Variants in ANO4 observed in about 807,000 individuals in gnomAD.
ANO4 encodes the protein anoctamin-4.
Under a neutral mutation model 141.9 loss-of-function variants are expected in ANO4, and 69 were observed. The observed-to-expected ratio is 0.49, with a 90% CI of 0.40 to 0.59. The LOEUF is 0.59. ANO4 is among the 20% of genes least tolerant of loss of function. The probability of loss-of-function intolerance (pLI) is 0.00; values close to 1 mark genes in which losing one functional copy is unlikely to be tolerated. For missense variants in ANO4, 894 were observed against 1,162.2 expected, an observed-to-expected ratio of 0.77 and a Z score of 3.36; for synonymous variants, 350 against 394.3, an observed-to-expected ratio of 0.89 and a Z score of 1.33.
intron 4 of ANO4, among the ~76,000 whole-genome samples, chr12:100,942,042 G>A (rs545037245): frequency 1.7e-4 from 26 of 150,976 alleles, no homozygotes; most frequent in East Asian, 1.2e-3. Flanking sequence ...GTGCAGTGGC[G>A]CGATCTGGGC....
intron 26 of ANO4, among the ~76,000 whole-genome samples, chr12:101,125,859 T>TGTC (rs2051293520): frequency 1.3e-5 from 2 of 152,312 alleles, no homozygotes; most frequent in South Asian, 2.1e-4. Context: ...GTTTTTTTGT[T>TGTC]GTCTCTCTGC....
intron 7 of ANO4, 24 bp downstream of exon 7, chr12:100,974,913 C>T: frequency 6.2e-7 from 1 of 1,613,262 alleles, no homozygotes; most frequent in Non-Finnish European, 8.5e-7. Flanking sequence ...TCTGTCCTGA[C>T]AGTGTTTGTC....
intron 5 of ANO4, among the ~76,000 whole-genome samples, chr12:100,963,143 G>A (rs768153415): frequency 2.6e-5 from 4 of 152,152 alleles, no homozygotes; most frequent in Non-Finnish European, 5.9e-5. Context: ...TGAGACACCA[G>A]GTACCAGGTG....
At chr12:100,757,520 G>T (rs2032664770) in intron 3 of ANO4, among the ~76,000 whole-genome samples, 1 of 152,210 alleles carries the variant, frequency 6.6e-6, no homozygotes, top group Non-Finnish European at 1.5e-5. Flanking sequence ...AGGTGGGCCT[G>T]ATTGTGAAGG....
rs373107287 is a variant in ANO4 at position 100,733,465 on chromosome 12, CCTGT to C, written c.23-306_23-303del. On this transcript the variant is annotated intron_variant, in intron 1 of 29. Coordinates refer to the ANO4 transcript ENST00000644049. ...ATAGTCTGGGTCAGGCACCCTCTCT[CCTGT>C]CTAACTCCCTGCCCCCAACTGCCCA... Among the ~76,000 whole-genome samples, 1,079 of 152,308 alleles carry C rather than the reference CCTGT, an allele frequency of 7.1e-3. 18 individuals carry two copies. The highest frequency in any genetic ancestry group is 0.025 in the African/African-American group (1,034 of 41,560).
chr12:100,903,942 T>A (rs2040718658), intron 2 of ANO4, among the ~76,000 whole-genome samples: 1 of 152,210 alleles, frequency 6.6e-6, no homozygotes, highest in Admixed American at 6.5e-5. Context: ...CTTTCACTTC[T>A]CTAAATATGT....
intron 14 of ANO4, among the ~76,000 whole-genome samples, chr12:101,077,383 C>T (rs2049064203): frequency 6.6e-6 from 1 of 152,180 alleles, no homozygotes; most frequent in South Asian, 2.1e-4. Context: ...ATCAGTACAA[C>T]TGTATTCTGT....
chr12:101,055,468 C>T (rs1460355467), intron 14 of ANO4, among the ~76,000 whole-genome samples: 1 of 152,160 alleles, frequency 6.6e-6, no homozygotes, highest in Non-Finnish European at 1.5e-5. Flanking sequence ...TTGCAATCTG[C>T]ACATCTTACT....
At chr12:101,061,785 T>C (rs934259463) in intron 14 of ANO4, among the ~76,000 whole-genome samples, 4 of 151,992 alleles carry the variant, frequency 2.6e-5, no homozygotes, top group African/African-American at 9.7e-5. Flanking sequence ...TCCTCTAACC[T>C]TTTTTCAAGG....
intron 8 of ANO4, among the ~76,000 whole-genome samples, chr12:100,992,414 T>C (rs61944888): frequency 1.3e-5 from 2 of 152,150 alleles, no homozygotes; most frequent in Non-Finnish European, 2.9e-5. Context: ...CCAGGACATT[T>C]GCATATGTTG....
intron 7 of ANO4, among the ~76,000 whole-genome samples, chr12:100,977,548 G>T (rs1209189446): frequency 1.3e-5 from 2 of 152,068 alleles, no homozygotes; most frequent in Non-Finnish European, 2.9e-5. Context: ...AAACCTAAGG[G>T]TCATTTTGGA....
At chr12:100,871,285 G>A (rs10860650) in intron 1 of ANO4, among the ~76,000 whole-genome samples, 1 of 152,116 alleles carries the variant, frequency 6.6e-6, no homozygotes, top group East Asian at 1.9e-4. Flanking sequence ...TTCCAAAATA[G>A]ATAGCAGTTT....
At chr12:101,036,676 G>T (rs140987880) in intron 9 of ANO4, among the ~76,000 whole-genome samples, 4 of 152,270 alleles carry the variant, frequency 2.6e-5, no homozygotes, top group African/African-American at 9.6e-5. Flanking sequence ...TAGAATAGTG[G>T]TTGCCAGGCC....
At chr12:100,978,834 G>T (rs2044321755) in intron 7 of ANO4, among the ~76,000 whole-genome samples, 1 of 152,282 alleles carries the variant, frequency 6.6e-6, no homozygotes, top group Non-Finnish European at 1.5e-5. Flanking sequence ...GGTGTGGTGA[G>T]GAAGTTGACT....
intron 8 of ANO4, among the ~76,000 whole-genome samples, chr12:101,005,217 C>T (rs149838919): frequency 7.9e-5 from 12 of 152,234 alleles, no homozygotes; most frequent in Non-Finnish European, 1.0e-4. Flanking sequence ...ATTAGTGGAA[C>T]GCTGAGAGCT....
intron 3 of ANO4, among the ~76,000 whole-genome samples, chr12:100,749,411 G>A (rs1234271825): frequency 1.3e-5 from 2 of 152,182 alleles, no homozygotes; most frequent in African/African-American, 4.8e-5. Flanking sequence ...CAAGAGCATT[G>A]GCTAAGAGAA....
intron 1 of ANO4, among the ~76,000 whole-genome samples, chr12:100,876,197 G>GT (rs949201796): frequency 1.3e-5 from 2 of 149,584 alleles, no homozygotes; most frequent in Non-Finnish European, 3.0e-5. Flanking sequence ...GTGGAAACTT[G>GT]TAAGTGTGGG....
chr12:100,920,370 A>G (rs1223882943), intron 2 of ANO4, among the ~76,000 whole-genome samples: 1 of 152,152 alleles, frequency 6.6e-6, no homozygotes, highest in Non-Finnish European at 1.5e-5. Context: ...AGCCTAAATG[A>G]TATCATAAAG....
intron 1 of ANO4, among the ~76,000 whole-genome samples, chr12:100,844,244 A>T (rs1023387503): frequency 6.6e-6 from 1 of 152,080 alleles, no homozygotes; most frequent in Admixed American, 6.6e-5. Context: ...AGGAAATGAG[A>T]TACTTAGAGA....
Sources: gnomAD v4.1 joint callset for allele counts (sites outside exome capture counted in the v4.1 genomes callset) on GRCh38, gnomAD v4.1.1 for gene constraint, MANE v1.5 for transcripts, NCBI Gene and HGNC (gene_info 2026-07-23, HGNC 2026-07-21) for gene names.